Variants in TAFA2 observed in about 807,000 individuals in gnomAD.
TAFA2 encodes the protein TAFA chemokine like family member 2.
A neutral mutation model predicts 18.8 loss-of-function variants in TAFA2; 7 were observed. The ratio of observed to expected loss-of-function variants is 0.37; its 90% CI spans 0.21 to 0.70. The LOEUF is 0.70. Among genes scored for constraint, TAFA2 ranks in the 30% least tolerant of loss-of-function variants. The probability of loss-of-function intolerance (pLI) is 0.53; values close to 1 mark genes in which losing one functional copy is unlikely to be tolerated. For synonymous variants in TAFA2, 60 were observed against 54.2 expected (o/e 1.11, Z -0.47); for missense variants, 122 against 158.1 (o/e 0.77, Z 1.23).
intron 1 of TAFA2, among the ~76,000 whole-genome samples, chr12:61,953,684 G>A (rs1878547383): frequency 1.3e-5 from 2 of 152,098 alleles, no homozygotes; most frequent in South Asian, 4.1e-4. Context: ...TATGATTGCT[G>A]TACAATTGGA....
At chr12:61,734,643 A>G (rs1868275508) in intron 4 of TAFA2, among the ~76,000 whole-genome samples, 1 of 152,096 alleles carries the variant, frequency 6.6e-6, no homozygotes, top group African/African-American at 2.4e-5. Context: ...TATTTGGTTC[A>G]GTTAGGCTCT....
At chr12:62,234,503 T>C in intron 1 of TAFA2, 3 of 1,079,688 alleles carry the variant, frequency 2.8e-6, no homozygotes, top group Non-Finnish European at 4.3e-6. Flanking sequence ...AACTCTTGGC[T>C]GCACTGATCA....
intron 2 of TAFA2, among the ~76,000 whole-genome samples, chr12:61,797,765 A>G (rs1871245597): frequency 6.6e-6 from 1 of 152,184 alleles, no homozygotes; most frequent in East Asian, 1.9e-4. Flanking sequence ...GGACAGACAG[A>G]ACTTTATTGC....
chr12:62,096,921 T>C (rs1444251), intron 1 of TAFA2, among the ~76,000 whole-genome samples: 8,245 of 152,214 alleles, frequency 0.054, 334 homozygotes, highest in Non-Finnish European at 0.083. Context: ...ATCACACAGC[T>C]CCACACCCCA....
chr12:61,830,884 G>A (rs1419138774), intron 2 of TAFA2, among the ~76,000 whole-genome samples: 2 of 151,490 alleles, frequency 1.3e-5, no homozygotes, highest in East Asian at 1.9e-4. Context: ...TTTAACAGCG[G>A]GCCAAATATG....
intron 1 of TAFA2, among the ~76,000 whole-genome samples, chr12:62,047,881 C>T (rs896010162): frequency 3.3e-5 from 5 of 152,056 alleles, no homozygotes; most frequent in African/African-American, 1.2e-4. Context: ...CTAAATAGAA[C>T]CTCTTCACAA....
At chr12:61,742,008 T>C (rs930355671) in intron 4 of TAFA2, among the ~76,000 whole-genome samples, 20 of 152,072 alleles carry the variant, frequency 1.3e-4, no homozygotes, top group Admixed American at 1.1e-3. Flanking sequence ...GCAATTCTCA[T>C]GCCTCAGCCT....
chr12:62,193,883 TAAAG>T (rs1344304991), upstream of TAFA2, among the ~76,000 whole-genome samples: 2 of 152,206 alleles, frequency 1.3e-5, no homozygotes, highest in South Asian at 2.1e-4. Flanking sequence ...AGCACAGTCA[TAAAG>T]AAAGAAAAGA....
chr12:61,825,264 G>A (rs2061208), intron 2 of TAFA2, among the ~76,000 whole-genome samples: 46,880 of 151,956 alleles, frequency 0.31, 7,487 homozygotes, highest in South Asian at 0.4. Context: ...AAGACACTGC[G>A]GATGTGGACC....
chr12:61,907,086 T>C (rs776845817), intron 1 of TAFA2, among the ~76,000 whole-genome samples: 1 of 152,222 alleles, frequency 6.6e-6, no homozygotes, highest in Non-Finnish European at 1.5e-5. Flanking sequence ...GATGATGTGA[T>C]AGAAAAGAAA....
chr12:62,009,819 TC>T (rs1239890764), intron 1 of TAFA2, among the ~76,000 whole-genome samples: 1 of 152,194 alleles, frequency 6.6e-6, no homozygotes, highest in Non-Finnish European at 1.5e-5. Flanking sequence ...CATGTTTTCT[TC>T]CATGATAATA....
At chr12:62,045,766 AAATC>A (rs377044547) in intron 1 of TAFA2, among the ~76,000 whole-genome samples, 49 of 152,260 alleles carry the variant, frequency 3.2e-4, no homozygotes, top group African/African-American at 1.2e-3. Context: ...CTCCTTACCA[AAATC>A]AATCAAATTA....
chr12:61,958,689 A>G (rs768120637), intron 1 of TAFA2, among the ~76,000 whole-genome samples: 12 of 151,906 alleles, frequency 7.9e-5, no homozygotes, highest in African/African-American at 2.7e-4. Flanking sequence ...TCTTGTTTAT[A>G]TAGATATTAA....
intron 4 of TAFA2, among the ~76,000 whole-genome samples, chr12:61,748,130 A>G (rs1334137151): frequency 6.6e-6 from 1 of 151,754 alleles, no homozygotes; most frequent in Non-Finnish European, 1.5e-5. Flanking sequence ...GATCATCAGA[A>G]GGAAGGAAAG....
intron 1 of TAFA2, among the ~76,000 whole-genome samples, chr12:62,146,371 C>T (rs1353376426): frequency 6.7e-6 from 1 of 150,336 alleles, no homozygotes; most frequent in Non-Finnish European, 1.5e-5. Flanking sequence ...GCAGCCTCGA[C>T]CTCTGAGGCT....
intron 1 of TAFA2, among the ~76,000 whole-genome samples, chr12:62,243,888 C>T (rs1016351453): frequency 6.6e-6 from 1 of 152,174 alleles, no homozygotes; most frequent in Non-Finnish European, 1.5e-5. Context: ...TCAAGCAATC[C>T]TGCCTTAGCC....
intron 2 of TAFA2, among the ~76,000 whole-genome samples, chr12:61,831,261 C>T (rs1424370870): frequency 2.0e-5 from 3 of 151,920 alleles, no homozygotes; most frequent in African/African-American, 2.4e-5. Context: ...TGCCTTTAAT[C>T]TTTGAAATTG....
At chr12:62,227,154 T>C (rs1189318295) in intron 1 of TAFA2, among the ~76,000 whole-genome samples, 1 of 152,246 alleles carries the variant, frequency 6.6e-6, no homozygotes, top group Non-Finnish European at 1.5e-5. Context: ...CTTTGTGTTC[T>C]GGTGGTGTAG....
chr12:62,052,314 C>A (rs1021185528), intron 1 of TAFA2, among the ~76,000 whole-genome samples: 2 of 152,118 alleles, frequency 1.3e-5, no homozygotes, highest in African/African-American at 4.8e-5. Context: ...CAGCCTTAGC[C>A]TCTCAAGTAG....
Sources: allele counts gnomAD v4.1 joint callset (sites outside exome capture counted in the v4.1 genomes callset), GRCh38; gene constraint gnomAD v4.1.1; transcripts MANE v1.5; gene names NCBI Gene and HGNC (gene_info 2026-07-23, HGNC 2026-07-21).